Variants in GALNT13 observed in about 807,000 individuals in gnomAD.
GALNT13 encodes UDP-GalNAc:polypeptide N-acetylgalactosaminyltransferase 13.
A neutral mutation model predicts 64.2 loss-of-function variants in GALNT13; 28 were observed. That is an observed-to-expected ratio of 0.44 (90% CI 0.32 to 0.60). The LOEUF (loss-of-function observed/expected upper bound fraction) is 0.60, where lower values mean the gene tolerates loss of function less well. GALNT13 is among the 20% of genes least tolerant of loss of function. The pLI is 0.05. For synonymous variants in GALNT13, 214 were observed against 224.6 expected, an observed-to-expected ratio of 0.95 and a Z score of 0.42; for missense variants, 577 against 669.8, an observed-to-expected ratio of 0.86 and a Z score of 1.53.
At chr2:154,046,713 T>C (rs1179763855) in intron 3 of GALNT13, among the ~76,000 whole-genome samples, 4 of 152,090 alleles carry the variant, frequency 2.6e-5, no homozygotes, top group Non-Finnish European at 5.9e-5. Context: ...GGGGCCCTAA[T>C]TCAATGCGAC....
At chr2:153,469,332 C>G in the GALNT13 span, among the ~76,000 whole-genome samples, 1 of 152,044 alleles carries the variant, frequency 6.6e-6, no homozygotes, top group African/African-American at 2.4e-5. Flanking sequence ...CTCCTACACA[C>G]CAGTCTTTAT....
At chr2:153,196,654 G>T in the GALNT13 span, among the ~76,000 whole-genome samples, 330 of 151,900 alleles carry the variant, frequency 2.2e-3, 2 homozygotes, top group African/African-American at 7.5e-3. Flanking sequence ...CACAGCATGG[G>T]GCAGGGGCTC....
chr2:153,791,024 T>C, the GALNT13 span, among the ~76,000 whole-genome samples: 1 of 152,116 alleles, frequency 6.6e-6, no homozygotes, highest in Non-Finnish European at 1.5e-5. Flanking sequence ...AAATTGGGGA[T>C]CTAATTAAAC....
At chr2:153,192,509 G>A in the GALNT13 span, among the ~76,000 whole-genome samples, 2 of 152,012 alleles carry the variant, frequency 1.3e-5, no homozygotes, top group Non-Finnish European at 2.9e-5. Flanking sequence ...GTTTGTTAGG[G>A]CCATTTGGTC....
the GALNT13 span, among the ~76,000 whole-genome samples, chr2:153,098,477 C>G: frequency 1.3e-5 from 2 of 152,230 alleles, no homozygotes; most frequent in South Asian, 2.1e-4. Context: ...GTTTTGCCAC[C>G]TAAGTATGCA....
chr2:154,409,114 T>G, intron 11 of GALNT13, 32 bp downstream of exon 11: 1 of 1,281,752 alleles, frequency 7.8e-7, no homozygotes, highest in Non-Finnish European at 1.1e-6. Context: ...GCTTCATGTT[T>G]TAGAGGGAAA....
intron 9 of GALNT13, among the ~76,000 whole-genome samples, chr2:154,330,458 A>G (rs1695106683): frequency 6.6e-6 from 1 of 152,156 alleles, no homozygotes; most frequent in Non-Finnish European, 1.5e-5. Context: ...AAAGCTAAAT[A>G]TGGTAAGACA....
chr2:153,775,731 G>A, the GALNT13 span, among the ~76,000 whole-genome samples: 1 of 151,966 alleles, frequency 6.6e-6, no homozygotes, highest in African/African-American at 2.4e-5. Context: ...AATATTCAAA[G>A]TTGTGCACTT....
intron 3 of GALNT13, among the ~76,000 whole-genome samples, chr2:154,025,140 A>G (rs1047695515): frequency 4.6e-5 from 7 of 152,084 alleles, no homozygotes; most frequent in Non-Finnish European, 1.0e-4. Flanking sequence ...CTCGGGGGTC[A>G]TGGACCCACT....
At chr2:153,680,768 C>T in the GALNT13 span, among the ~76,000 whole-genome samples, 1 of 151,920 alleles carries the variant, frequency 6.6e-6, no homozygotes, top group Non-Finnish European at 1.5e-5. Context: ...GTCCCTTTCT[C>T]TTACTCAAGA....
intron 11 of GALNT13, among the ~76,000 whole-genome samples, chr2:154,425,734 C>T (rs554727946): frequency 1.3e-5 from 2 of 152,008 alleles, no homozygotes; most frequent in South Asian, 2.1e-4. Context: ...TGATAACACT[C>T]GGTTAGATGT....
chr2:153,164,700 A>G, the GALNT13 span, among the ~76,000 whole-genome samples: 1 of 152,100 alleles, frequency 6.6e-6, no homozygotes, highest in Admixed American at 6.5e-5. Context: ...TTAACATGAG[A>G]TCTCCTCTTA....
At chr2:153,257,632 A>C in the GALNT13 span, among the ~76,000 whole-genome samples, 3 of 152,198 alleles carry the variant, frequency 2.0e-5, no homozygotes. Flanking sequence ...GAGCCAAGAA[A>C]TCTTTTTTGA....
intron 3 of GALNT13, among the ~76,000 whole-genome samples, chr2:154,136,044 A>C (rs991983140): frequency 1.3e-5 from 2 of 152,132 alleles, no homozygotes; most frequent in African/African-American, 4.8e-5. Flanking sequence ...TGTTTTAGGG[A>C]AACTGATTTA....
At chr2:154,205,800 C>T (rs984612020) in intron 4 of GALNT13, among the ~76,000 whole-genome samples, 6 of 152,088 alleles carry the variant, frequency 3.9e-5, no homozygotes, top group Non-Finnish European at 7.4e-5. Context: ...CCCTATAATT[C>T]AGTCACCTCC....
At chr2:154,319,687 T>C (rs747427302) in intron 9 of GALNT13, among the ~76,000 whole-genome samples, 14 of 152,026 alleles carry the variant, frequency 9.2e-5, no homozygotes, top group Non-Finnish European at 1.8e-4. Flanking sequence ...AAATATTTCT[T>C]AATAATGTGA....
chr2:153,531,371 A>G, the GALNT13 span, among the ~76,000 whole-genome samples: 1 of 152,106 alleles, frequency 6.6e-6, no homozygotes, highest in Non-Finnish European at 1.5e-5. Flanking sequence ...GATGCCACAC[A>G]CTTTTAAACA....
chr2:153,966,437 C>G (rs1303287964), intron 3 of GALNT13, among the ~76,000 whole-genome samples: 1 of 150,898 alleles, frequency 6.6e-6, no homozygotes, highest in Non-Finnish European at 1.5e-5. Context: ...GGGATCTCGG[C>G]TCACTGCAAG....
chr2:153,182,565 G>A, the GALNT13 span, among the ~76,000 whole-genome samples: 5 of 152,092 alleles, frequency 3.3e-5, no homozygotes, highest in Non-Finnish European at 7.4e-5. Context: ...ATCAAGCCCA[G>A]CATCCATTAG....
Sources: gnomAD v4.1 joint callset for allele counts (sites outside exome capture counted in the v4.1 genomes callset) on GRCh38, gnomAD v4.1.1 for gene constraint, MANE v1.5 for transcripts, NCBI Gene and HGNC (gene_info 2026-07-23, HGNC 2026-07-21) for gene names.